Variants in SFMBT2 observed in about 807,000 individuals in gnomAD.
SFMBT2 encodes the protein scm-like with four MBT domains protein 2.
SFMBT2 carries 38 observed loss-of-function variants against 110.1 expected under a neutral mutation model. The ratio of observed to expected loss-of-function variants is 0.35; its 90% CI spans 0.27 to 0.45. SFMBT2 has a LOEUF of 0.45. Among genes scored for constraint, SFMBT2 ranks in the 20% least tolerant of loss-of-function variants. The pLI is 1.00. For missense variants in SFMBT2, 1,011 were observed against 1,094.9 expected, an observed-to-expected ratio of 0.92 and a Z score of 1.08; for synonymous variants, 425 against 425.4, an observed-to-expected ratio of 1.00 and a Z score of 0.01.
At chr10:7,292,924 A>G (rs1842303173) in intron 4 of SFMBT2, among the ~76,000 whole-genome samples, 1 of 152,002 alleles carries the variant, frequency 6.6e-6, no homozygotes. Flanking sequence ...ACCTGGAAGG[A>G]TGCAGTGAGC....
chr10:7,336,439 G>A (rs915267553), intron 4 of SFMBT2, among the ~76,000 whole-genome samples: 4 of 152,172 alleles, frequency 2.6e-5, no homozygotes, highest in Non-Finnish European at 5.9e-5. Flanking sequence ...TGCATCATAT[G>A]AGCAAATTAA....
intron 9 of SFMBT2, chr10:7,241,294 G>T: frequency 1.0e-6 from 1 of 970,594 alleles, no homozygotes; most frequent in Non-Finnish European, 1.2e-6. Context: ...GAACAGACTA[G>T]TACACTGAAC....
chr10:7,176,415 C>A lies in SFMBT2; in HGVS notation c.1809-250G>T, dbSNP rs957021828. ...ATAAACACCCCCACATGTAGCACAC[C>A]TTCATTTTGCTATATACAACTTCAT... On this transcript the variant is annotated intron_variant, in intron 16 of 20. Coordinates refer to ENST00000397167, the MANE Select transcript of SFMBT2 (RefSeq NM_001387889.1). 4.4e-6 allele frequency: 4 copies of A among 918,252 alleles called. No individual in the cohort carries two copies. The East Asian group carries it at 4.7e-4, about 108-fold the overall frequency. 56.9% of individuals were successfully genotyped at this position (918,252 alleles called of 1,614,324 possible).
intron 9 of SFMBT2, among the ~76,000 whole-genome samples, chr10:7,235,529 CCACA>C (rs36008319): frequency 1.3e-5 from 2 of 150,418 alleles, no homozygotes; most frequent in Admixed American, 6.6e-5. Context: ...ACACTACATA[CCACA>C]CACACACACA....
intron 9 of SFMBT2, among the ~76,000 whole-genome samples, chr10:7,238,193 T>C (rs1251241429): frequency 6.6e-6 from 1 of 152,148 alleles, no homozygotes; most frequent in Non-Finnish European, 1.5e-5. Context: ...AACAAGGGGC[T>C]GCTGCAGGAA....
At chr10:7,411,065 CTTTTTTTTTTTT>C (rs766788794), upstream of SFMBT2, among the ~76,000 whole-genome samples, 7 of 53,910 alleles carry the variant, frequency 1.3e-4, no homozygotes, top group East Asian at 1.2e-3. Context: ...GCTCGGCGCT[CTTTTTTTTTTTT>C]TTTTTTTTTT....
chr10:7,349,440 C>CTTTTCTT lies in SFMBT2; in HGVS notation c.436+18208_436+18209insAAGAAAA, dbSNP rs1554808159. On this transcript the variant is annotated intron_variant, in intron 4 of 20. Transcript: ENST00000397167. ...CCCTGACTCTTTTTTCTTTTCTTTTCTTTTTTTTTTTTTTTTTTTTTTTTT... is the reference window on the plus strand; with the variant it reads ...CCCTGACTCTTTTTTCTTTTCTTTTCTTTTCTTTTTTTTTTTTTTTTTTTTTTTTTTT... Among the ~76,000 whole-genome samples, 15 of 46,890 alleles carry CTTTTCTT rather than the reference C, an allele frequency of 3.2e-4. No individual in the cohort carries two copies. In the East Asian group the frequency reaches 9.2e-3, roughly 29 times the overall value. The allele number at this position is 46,890 out of a possible 152,430, so 30.8% of individuals were successfully genotyped here.
At position 7,367,527 on chromosome 10, in the gene SFMBT2, G is replaced by A; in HGVS notation, c.436+122C>T. On this transcript the variant is annotated intron_variant, in intron 4 of 20. Coordinates refer to ENST00000397167, the MANE Select transcript of SFMBT2 (RefSeq NM_001387889.1). The surrounding 1 kb of genome is among the most constrained non-coding windows in gnomAD (Gnocchi z 6.2). ...CCTGAGAAACCACTCTGAAAGAACTGTGAGACCTTTGCACTAAGACCATTA... is the reference window on the plus strand; with the variant it reads ...CCTGAGAAACCACTCTGAAAGAACTATGAGACCTTTGCACTAAGACCATTA... 2.1e-6 allele frequency: 3 copies of A among 1,448,270 alleles called. No homozygotes were observed. The highest frequency in any genetic ancestry group is 2.7e-6 in the Non-Finnish European group (3 of 1,094,514). 89.7% of individuals were successfully genotyped at this position (1,448,270 alleles called of 1,614,324 possible).
chr10:7,201,291 T>C (rs1838946048), intron 13 of SFMBT2, among the ~76,000 whole-genome samples: 1 of 152,256 alleles, frequency 6.6e-6, no homozygotes. Context: ...TCTCGGACAT[T>C]CTGAATCAGA....
chr10:7,244,645 G>A (rs1840548107), intron 8 of SFMBT2, among the ~76,000 whole-genome samples: 1 of 152,156 alleles, frequency 6.6e-6, no homozygotes, highest in Non-Finnish European at 1.5e-5. Context: ...AAGTAACTTA[G>A]TATCTAAAAC....
chr10:7,163,501 A>C lies in SFMBT2; in HGVS notation c.*269T>G. 2.6e-6 allele frequency: 1 copy of C among 382,138 alleles called. No homozygotes were observed. The highest frequency in any genetic ancestry group is 4.7e-6 in the Non-Finnish European group (1 of 211,172). 23.7% of individuals were successfully genotyped at this position (382,138 alleles called of 1,614,324 possible). A position where few individuals can be genotyped will look rare whatever the true frequency, so the allele number is the denominator to read the frequency against. ...CTGATTTGGGGCAGGAGAAAGGCAA[A>C]ACGTGGGTGAGCCAAGAAGCAGGCC... On this transcript the variant is annotated 3_prime_UTR_variant, in exon 21 of 21. Transcript: ENST00000397167. This position sits in a 1 kb window ranked among gnomAD's most constrained non-coding sequence, Gnocchi z 4.8.
At chr10:7,338,436 CAT>C (rs757838214) in intron 4 of SFMBT2, among the ~76,000 whole-genome samples, 1 of 152,194 alleles carries the variant, frequency 6.6e-6, no homozygotes, top group Non-Finnish European at 1.5e-5. Flanking sequence ...TTGATGAACA[CAT>C]ATTTTGTATG....
rs373752859 is a variant in SFMBT2 at position 7,385,802 on chromosome 10, A to T, written c.-51-3853T>A. The stretch of plus-strand genomic sequence containing the variant: ...ATCACGAGGTCAGGAGATCAAGACC[A>T]TCCTGGCTAACACGGTGAAACCCCG... On this transcript the variant is annotated intron_variant, in intron 1 of 20. Coordinates refer to ENST00000397167, the MANE Select transcript of SFMBT2 (RefSeq NM_001387889.1). Among the ~76,000 whole-genome samples the T allele has an allele frequency of 3.3e-5, 5 of 152,054 alleles. No homozygotes were observed. The East Asian group carries it at 5.8e-4, about 18-fold the overall frequency.
At chr10:7,380,491 C>G (rs147931932) in intron 2 of SFMBT2, among the ~76,000 whole-genome samples, 1,820 of 152,306 alleles carry the variant, frequency 0.012, 12 homozygotes, top group Non-Finnish European at 0.016. Context: ...CTAGTCTCAT[C>G]AAAATGTGAA....
chr10:7,326,444 AG>A (rs1183957595), intron 4 of SFMBT2, among the ~76,000 whole-genome samples: 1 of 152,190 alleles, frequency 6.6e-6, no homozygotes, highest in Middle Eastern at 3.2e-3. Flanking sequence ...CATTCCCCAA[AG>A]CTCCTAAGCT....
chr10:7,186,480 ATT>A (rs1838416598), intron 16 of SFMBT2, among the ~76,000 whole-genome samples: 1 of 150,192 alleles, frequency 6.7e-6, no homozygotes, highest in African/African-American at 2.5e-5. Context: ...ATATAAAAAT[ATT>A]TTATTTGTTG....
At chr10:7,310,699 C>T (rs1842826616) in intron 4 of SFMBT2, among the ~76,000 whole-genome samples, 1 of 152,158 alleles carries the variant, frequency 6.6e-6, no homozygotes, top group South Asian at 2.1e-4. Context: ...TGACTACATG[C>T]TAGCTCCATA....
At chr10:7,167,724 C>T (rs951214743) in intron 20 of SFMBT2, among the ~76,000 whole-genome samples, 1 of 152,162 alleles carries the variant, frequency 6.6e-6, no homozygotes, top group Non-Finnish European at 1.5e-5. Context: ...CTTCAGACAG[C>T]CCAGTGGGCA....
In SFMBT2 at chr10:7,314,450, G is replaced by A. The variant is rs74466646; in HGVS notation, c.437-28496C>T. 6.2e-3 allele frequency among the ~76,000 whole-genome samples: 938 copies of A among 152,276 alleles called. 13 individuals carry two copies. The highest frequency in any genetic ancestry group is 0.021 in the African/African-American group (872 of 41,564). ...TATGCAAACCACACAAGAGATACCC[G>A]GAAGAATGAACAAGCACTACCTGTA... On this transcript the variant is annotated intron_variant, in intron 4 of 20. Transcript: ENST00000397167.
Sources: gnomAD v4.1 joint callset for allele counts (sites outside exome capture counted in the v4.1 genomes callset) on GRCh38, gnomAD v4.1.1 for gene constraint, Gnocchi (gnomAD v3.1) non-coding constraint, MANE v1.5 for transcripts, NCBI Gene and HGNC (gene_info 2026-07-23, HGNC 2026-07-21) for gene names.